The following RYR2 variants were observed in gnomAD, a reference collection of about 807,000 sequenced individuals.
RYR2 encodes cardiac muscle ryanodine receptor-calcium release channel.
A neutral mutation model predicts 601.1 loss-of-function variants in RYR2; 227 were observed. The ratio of observed to expected loss-of-function variants is 0.38; its 90% CI spans 0.34 to 0.42. RYR2 has a LOEUF of 0.42. Ranked by LOEUF, RYR2 falls within the 10% of genes least tolerant of loss-of-function variation. RYR2 has a pLI of 1.00. For synonymous variants in RYR2, 2,223 were observed against 2,175.1 expected (o/e 1.02, Z -0.61); for missense variants, 4,646 against 6,156.5 (o/e 0.75, Z 8.21).
At chr1:237,567,173 G>A (rs532039873) in intron 28 of RYR2, among the ~76,000 whole-genome samples, 1 of 152,130 alleles carries the variant, frequency 6.6e-6, no homozygotes, top group East Asian at 1.9e-4. Context: ...AATCACAAAC[G>A]GTTTTCATTT....
chr1:237,765,141 G>A (rs1334891264), intron 84 of RYR2, among the ~76,000 whole-genome samples: 1 of 151,174 alleles, frequency 6.6e-6, no homozygotes, highest in African/African-American at 2.4e-5. Context: ...TTCTTTTAAT[G>A]ACTTAATCAA....
At chr1:237,196,944 G>A (rs1401862577) in intron 1 of RYR2, among the ~76,000 whole-genome samples, 1 of 152,088 alleles carries the variant, frequency 6.6e-6, no homozygotes. Flanking sequence ...TAAAGTAACT[G>A]ATAAAGTTTT....
chr1:237,299,507 AAGATAATTTT>A (rs1361558842), intron 2 of RYR2, among the ~76,000 whole-genome samples: 1 of 152,172 alleles, frequency 6.6e-6, no homozygotes, highest in Non-Finnish European at 1.5e-5. Flanking sequence ...CAATACTGTA[AAGATAATTTT>A]GATGTGCTGG....
intron 17 of RYR2, among the ~76,000 whole-genome samples, chr1:237,483,872 G>T (rs902332504): frequency 2.0e-5 from 3 of 152,102 alleles, no homozygotes; most frequent in African/African-American, 4.8e-5. Context: ...AACAGGTTTC[G>T]ACTCCCAGGT....
intron 2 of RYR2, among the ~76,000 whole-genome samples, chr1:237,325,615 G>C (rs181784134): frequency 2.7e-4 from 41 of 152,240 alleles, no homozygotes; most frequent in African/African-American, 9.4e-4. Flanking sequence ...GTGAACGTGG[G>C]TGGAGGAGCT....
intron 1 of RYR2, among the ~76,000 whole-genome samples, chr1:237,220,946 T>G (rs1017051295): frequency 6.6e-6 from 1 of 151,890 alleles, no homozygotes; most frequent in Non-Finnish European, 1.5e-5. Flanking sequence ...AATAAAAAAA[T>G]GTAGCTGGGC....
chr1:237,522,739 G>T (rs894882181), intron 24 of RYR2, among the ~76,000 whole-genome samples: 11 of 152,142 alleles, frequency 7.2e-5, no homozygotes, highest in Admixed American at 6.5e-4. Context: ...CCTACCTACA[G>T]GGTGCCTCAC....
intron 80 of RYR2, among the ~76,000 whole-genome samples, chr1:237,748,106 T>C (rs535455730): frequency 1.8e-4 from 27 of 152,110 alleles, no homozygotes; most frequent in Non-Finnish European, 3.1e-4. Flanking sequence ...TAACACTTTA[T>C]TGGGGGAAGG....
intron 1 of RYR2, among the ~76,000 whole-genome samples, chr1:237,249,618 GA>G (rs1243750185): frequency 5.3e-5 from 8 of 152,128 alleles, no homozygotes; most frequent in African/African-American, 1.9e-4. Flanking sequence ...TGACCATCTA[GA>G]AAGTGAGAGA....
At chr1:237,477,145 C>A (rs189890005) in intron 17 of RYR2, among the ~76,000 whole-genome samples, 1 of 152,136 alleles carries the variant, frequency 6.6e-6, no homozygotes, top group Non-Finnish European at 1.5e-5. Flanking sequence ...GTAATCCCAG[C>A]ACTTTGGGAG....
chr1:237,721,789 G>C (rs1249021711), intron 73 of RYR2, among the ~76,000 whole-genome samples: 1 of 151,964 alleles, frequency 6.6e-6, no homozygotes, highest in Non-Finnish European at 1.5e-5. Context: ...CAAAGTGCTG[G>C]GATTACAGGA....
intron 80 of RYR2, chr1:237,743,524 G>A (rs1691799495): frequency 1.9e-6 from 1 of 513,814 alleles, no homozygotes; most frequent in Admixed American, 2.0e-5. Context: ...GAAGTGCACA[G>A]CATTTATAGT....
chr1:237,072,209 C>T (rs1207736154), intron 1 of RYR2, among the ~76,000 whole-genome samples: 3 of 152,236 alleles, frequency 2.0e-5, no homozygotes, highest in African/African-American at 4.8e-5. Flanking sequence ...CATGCCGCCC[C>T]GGTTGTGCCT....
At chr1:237,818,017 C>A (rs1662031735) in intron 100 of RYR2, among the ~76,000 whole-genome samples, 1 of 152,144 alleles carries the variant, frequency 6.6e-6, no homozygotes, top group South Asian at 2.1e-4. Context: ...GAGCAAAGAT[C>A]TGGAATCAGG....
chr1:237,042,557 G>A lies in RYR2; in HGVS notation c.36G>A (p.Gln12=). ...ADGGEGEDEI[Q]FLRTDDEVVL... ...GGGGCGAGGGCGAAGACGAGATCCAGTTCCTGCGAACTGTAAGCGCCGTGC... is the reference window on the plus strand; with the variant it reads ...GGGGCGAGGGCGAAGACGAGATCCAATTCCTGCGAACTGTAAGCGCCGTGC... Residue 12 remains glutamine, a synonymous_variant, in exon 1 of 105, where the codon CAG becomes CAA. Coordinates refer to ENST00000366574, the MANE Select transcript of RYR2 (RefSeq NM_001035.3). 1.6e-6 allele frequency: 2 copies of A among 1,261,932 alleles called. No homozygotes were observed. Among genetic ancestry groups the A allele is most frequent in the Non-Finnish European group, 1.0e-6 (1 of 995,772 alleles). The allele number at this position is 1,261,932 out of a possible 1,614,324, so 78.2% of individuals were successfully genotyped here.
intron 1 of RYR2, among the ~76,000 whole-genome samples, chr1:237,099,422 G>C (rs1667837151): frequency 6.6e-6 from 1 of 152,062 alleles, no homozygotes; most frequent in Admixed American, 6.6e-5. Context: ...ATTTTTCGTA[G>C]AGATGAGGTC....
At chr1:237,068,225 A>G (rs1054921873) in intron 1 of RYR2, among the ~76,000 whole-genome samples, 1 of 152,170 alleles carries the variant, frequency 6.6e-6, no homozygotes, top group Non-Finnish European at 1.5e-5. Flanking sequence ...GGTGATTACA[A>G]TAAAGTCACA....
At chr1:237,120,076 C>G (rs910145930) in intron 1 of RYR2, among the ~76,000 whole-genome samples, 1 of 152,182 alleles carries the variant, frequency 6.6e-6, no homozygotes, top group Admixed American at 6.5e-5. Flanking sequence ...TGGGTTTTAA[C>G]TCCTGTCTCC....
At chr1:237,695,704 T>G (rs979600530) in intron 63 of RYR2, among the ~76,000 whole-genome samples, 1 of 152,330 alleles carries the variant, frequency 6.6e-6, no homozygotes, top group East Asian at 1.9e-4. Context: ...GCTTTACCTC[T>G]TCAAGACTCA....
Sources: allele counts gnomAD v4.1 joint callset (sites outside exome capture counted in the v4.1 genomes callset), GRCh38; gene constraint gnomAD v4.1.1; transcripts MANE v1.5; gene names NCBI Gene and HGNC (gene_info 2026-07-23, HGNC 2026-07-21).